URB1: variants seen among roughly 807,000 people sequenced by gnomAD.
URB1 encodes the protein URB1 ribosome biogenesis factor.
URB1 carries 197 observed loss-of-function variants against 242.3 expected under a neutral mutation model. The ratio of observed to expected loss-of-function variants is 0.81; its 90% CI spans 0.72 to 0.91. The LOEUF is 0.91. Among genes scored for constraint, URB1 ranks in the 40% least tolerant of loss-of-function variants. The probability of loss-of-function intolerance (pLI) is 0.00; values close to 1 mark genes in which losing one functional copy is unlikely to be tolerated. For synonymous variants in URB1, 1,153 were observed against 1,201.8 expected, an observed-to-expected ratio of 0.96 and a Z score of 0.84; for missense variants, 2,721 against 2,860.5, an observed-to-expected ratio of 0.95 and a Z score of 1.11.
intron 1 of URB1, among the ~76,000 whole-genome samples, chr21:32,387,062 C>T (rs1433141859): frequency 6.6e-6 from 1 of 152,162 alleles, no homozygotes; most frequent in Non-Finnish European, 1.5e-5. Flanking sequence ...CAAAGGAGGG[C>T]ACCCCACTAG....
chr21:32,365,289 A>T (rs986248153), intron 10 of URB1, among the ~76,000 whole-genome samples: 7 of 152,130 alleles, frequency 4.6e-5, no homozygotes, highest in Non-Finnish European at 1.0e-4. Flanking sequence ...TACAAAAAAT[A>T]AAAATAAGAA....
At chr21:32,341,554 T>G (rs777253234) in intron 24 of URB1, 30 bp from the exon 25 acceptor site, 1 of 1,545,884 alleles carries the variant, frequency 6.5e-7, no homozygotes, top group Non-Finnish European at 8.7e-7. Context: ...GAAAAACACA[T>G]GAAACATCTC....
chr21:32,381,710 G>A (rs1266215812), intron 4 of URB1, among the ~76,000 whole-genome samples: 1 of 152,190 alleles, frequency 6.6e-6, no homozygotes, highest in African/African-American at 2.4e-5. Flanking sequence ...TGTGGTTTCT[G>A]TTCTTTAAAA....
At position 32,347,296 on chromosome 21, in the gene URB1, C is replaced by T. The variant is rs2033101601; in HGVS notation, c.3528G>A (p.Trp1176Ter). ...QDQLQSGELL[W>*]SSEYVRGLGA... ...CCAGGCCTCTCACATACTCGGAGGA[C>T]CACAGGAGCTCACCACTCTGCAGCT... Residue 1176 changes from tryptophan (W) to a stop codon, truncating the protein, a stop_gained, in exon 22 of 39, where the codon TGG (tryptophan) becomes TGA (stop). Coordinates refer to ENST00000382751, the MANE Select transcript of URB1 (RefSeq NM_014825.3). LOFTEE classifies it high-confidence loss of function. The T allele has an allele frequency of 6.4e-7, 1 of 1,551,164 alleles. No individual in the cohort carries two copies. Among genetic ancestry groups the T allele is most frequent in the Non-Finnish European group, 8.7e-7 (1 of 1,146,988 alleles).
In URB1 at chr21:32,361,987, C is replaced by T. The variant is rs1317538354; in HGVS notation, c.1544G>A (p.Trp515Ter). 4.5e-6 allele frequency: 7 copies of T among 1,551,582 alleles called. No individual in the cohort carries two copies. The highest frequency in any genetic ancestry group is 6.1e-6 in the Non-Finnish European group (7 of 1,146,914). ...GGTCTCTTGCTTTTTAAGTGACTGC[C>T]AGACCCACACGACAGTGTTCAGGTC... ...LPDLNTVVWV[W>*]QSLKKQETKQ... is the part of the protein sequence containing the mutation. The change falls in exon 12 of 39, where the codon TGG (tryptophan) becomes TAG (stop). Residue 515 changes from tryptophan to a stop codon, truncating the protein, a stop_gained. Transcript: ENST00000382751. LOFTEE classifies it high-confidence loss of function.
At position 32,368,470 on chromosome 21, in the gene URB1, TC is replaced by T. The variant is rs1328715793; in HGVS notation, c.1129del (p.Glu377LysfsTer2). 1.3e-6 allele frequency: 2 copies of T among 1,551,942 alleles called. No homozygotes were observed. The highest frequency in any genetic ancestry group is 1.7e-6 in the Non-Finnish European group (2 of 1,147,046). ...TCGTGGGATAAAGGAAAACGTTACT[TC>T]CTTGAAGTATTTGTTCAGTAAGTCC... ...CPDLLNKYFK[E>X]VTFSFIPRAK... On this transcript the variant is annotated frameshift_variant, in exon 9 of 39. Coordinates refer to ENST00000382751, the MANE Select transcript of URB1 (RefSeq NM_014825.3). LOFTEE classifies it high-confidence loss of function.
intron 1 of URB1, among the ~76,000 whole-genome samples, chr21:32,387,139 G>C (rs769257839): frequency 1.3e-5 from 2 of 152,050 alleles, no homozygotes; most frequent in Non-Finnish European, 2.9e-5. Context: ...ACAGCCTGAG[G>C]ATTCTACTAC....
intron 4 of URB1, among the ~76,000 whole-genome samples, chr21:32,380,732 C>T (rs2146051439): frequency 6.6e-6 from 1 of 152,326 alleles, no homozygotes; most frequent in South Asian, 2.1e-4. Context: ...CAGATGAATG[C>T]TGGTAAAATG....
intron 10 of URB1, among the ~76,000 whole-genome samples, chr21:32,365,072 G>A (rs969395219): frequency 1.3e-5 from 2 of 152,218 alleles, no homozygotes; most frequent in African/African-American, 2.4e-5. Context: ...ACAACACTGT[G>A]AGAGGAGGAG....
In URB1 at chr21:32,313,030, C is replaced by T. The variant is rs2032616933; in HGVS notation, c.*1888G>A. ...CAAAGAAAAGCAAGACTGATGAGCT[C>T]CAGAGATGCAGAAAAGAAGGTGAGG... On this transcript the variant is annotated 3_prime_UTR_variant, in exon 39 of 39. Coordinates refer to ENST00000382751, the MANE Select transcript of URB1 (RefSeq NM_014825.3). 1 of 152,204 alleles carries T rather than the reference C, an allele frequency of 6.6e-6. No individual in the cohort carries two copies. The highest frequency in any genetic ancestry group is 2.1e-4 in the South Asian group (1 of 4,834). 9.4% of individuals were successfully genotyped at this position (152,204 alleles called of 1,614,324 possible).
rs191108186 is a variant in URB1 at position 32,350,817 on chromosome 21, G to C, written c.2719C>G (p.His907Asp). 4,487 of 1,551,408 alleles carry C rather than the reference G, an allele frequency of 2.9e-3. 8 individuals carry two copies. Among genetic ancestry groups the C allele is most frequent in the Non-Finnish European group, 3.6e-3 (4,116 of 1,147,012 alleles). ...GTGGCCTGCAGCTGCACCTGGATGT[G>C]CTCGTCCCGAAGCGCTTGGCTCTCG... Reference protein sequence around the residue: ...AYESQALRDEHIQVQLQATMP... With the variant: ...AYESQALRDEDIQVQLQATMP... Residue 907 changes from histidine to aspartate, a missense_variant, in exon 20 of 39, where the codon CAC (histidine) becomes GAC (aspartate). Coordinates refer to ENST00000382751, the MANE Select transcript of URB1 (RefSeq NM_014825.3).
intron 19 of URB1, among the ~76,000 whole-genome samples, chr21:32,351,347 TAGA>T (rs1300075377): frequency 6.6e-6 from 1 of 152,210 alleles, no homozygotes; most frequent in Non-Finnish European, 1.5e-5. Flanking sequence ...AATATCTTGT[TAGA>T]AGGACAGAAG....
intron 3 of URB1, among the ~76,000 whole-genome samples, chr21:32,384,038 C>G (rs1008349885): frequency 6.6e-6 from 1 of 152,174 alleles, no homozygotes; most frequent in Non-Finnish European, 1.5e-5. Flanking sequence ...GCCACATGCA[C>G]CTATAGGATT....
At chr21:32,337,784 A>C (rs897469606) in intron 26 of URB1, among the ~76,000 whole-genome samples, 5 of 151,732 alleles carry the variant, frequency 3.3e-5, no homozygotes, top group Non-Finnish European at 7.4e-5. Flanking sequence ...TGGCATCCCA[A>C]AGTGCTGGGA....
At chr21:32,364,810 T>A (rs948001831) in intron 10 of URB1, among the ~76,000 whole-genome samples, 2 of 151,862 alleles carry the variant, frequency 1.3e-5, no homozygotes, top group African/African-American at 4.8e-5. Context: ...AAAACAAACA[T>A]CATCCAACTC....
chr21:32,331,365 A>G (rs894601534), intron 30 of URB1, among the ~76,000 whole-genome samples: 2 of 152,252 alleles, frequency 1.3e-5, no homozygotes, highest in African/African-American at 2.4e-5. Flanking sequence ...TTAAAAATTA[A>G]TGAACTTAGA....
intron 31 of URB1, 94 bp from the exon 32 acceptor site, chr21:32,324,696 G>T: frequency 1.1e-6 from 1 of 900,438 alleles, no homozygotes; most frequent in South Asian, 1.5e-5. Context: ...GCTCGGCAGG[G>T]TGTGCCTGCT....
Position 32,350,898 on chromosome 21 carries a change from A to G in URB1, c.2638T>C (p.Ser880Pro). The change falls in exon 20 of 39, where the codon TCG becomes CCG. Residue 880 changes from serine (S) to proline (P), a missense_variant. By Grantham distance (74) the Ser-to-Pro change is moderately conservative. Coordinates refer to ENST00000382751, the MANE Select transcript of URB1 (RefSeq NM_014825.3). The part of the protein sequence containing the change: ...AWLLQAQGSP[S>P]PPALPLASSF... ...GAGGCCAAGGGAAGGGCAGGGGGCGAGGGGCTGCCCTGTGCCTGCAGCAGC... is the reference window on the plus strand; with the variant it reads ...GAGGCCAAGGGAAGGGCAGGGGGCGGGGGGCTGCCCTGTGCCTGCAGCAGC... 1 of 1,548,358 alleles carries G rather than the reference A, an allele frequency of 6.5e-7. No homozygotes were observed. The highest frequency in any genetic ancestry group is 8.7e-7 in the Non-Finnish European group (1 of 1,146,912).
Position 32,392,983 on chromosome 21 carries a change from A to G in URB1, c.-73T>C. ...CGGCAGGAGCACTGGCACAGACAGC[A>G]GACACGCGCTTCAGGCCCACATGGC... On this transcript the variant is annotated 5_prime_UTR_variant, in exon 1 of 39. Transcript: ENST00000382751. The G allele has an allele frequency of 2.1e-6, 3 of 1,416,886 alleles. No individual in the cohort carries two copies. Among genetic ancestry groups the G allele is most frequent in the Non-Finnish European group, 2.8e-6 (3 of 1,085,238 alleles). 87.8% of individuals were successfully genotyped at this position (1,416,886 alleles called of 1,614,324 possible).
Sources: allele counts gnomAD v4.1 joint callset (sites outside exome capture counted in the v4.1 genomes callset), GRCh38; gene constraint gnomAD v4.1.1; transcripts MANE v1.5; gene names NCBI Gene and HGNC (gene_info 2026-07-23, HGNC 2026-07-21).